Variants in SART3 observed in about 807,000 individuals in gnomAD.
The protein encoded by SART3 is spliceosome associated factor 3, U4/U6 recycling protein, also known as HIV-1 Tat-interacting protein of 110kDa.
A neutral mutation model predicts 122.3 loss-of-function variants in SART3; 44 were observed. The observed-to-expected ratio is 0.36, with a 90% CI of 0.28 to 0.46. The LOEUF (loss-of-function observed/expected upper bound fraction) is 0.46, where lower values mean the gene tolerates loss of function less well. Among genes scored for constraint, SART3 ranks in the 20% least tolerant of loss-of-function variants. The pLI is 1.00. For missense variants in SART3, 1,101 were observed against 1,229.0 expected, an observed-to-expected ratio of 0.90 and a Z score of 1.56; for synonymous variants, 442 against 454.0, an observed-to-expected ratio of 0.97 and a Z score of 0.34.
chr12:108,551,110 GAC>G (rs1176618926), intron 1 of SART3, among the ~76,000 whole-genome samples: 4 of 152,256 alleles, frequency 2.6e-5, no homozygotes, highest in South Asian at 4.1e-4. Context: ...CAAATTCAAA[GAC>G]ACAGGTAAAC....
intron 12 of SART3, 143 bp from the exon 13 acceptor site, chr12:108,532,477 G>A: frequency 1.5e-6 from 1 of 686,968 alleles, no homozygotes; most frequent in East Asian, 2.8e-5. Context: ...ATCTATCCAT[G>A]ATGCTTTCTC....
At chr12:108,539,785 T>C (rs1565862554) in intron 6 of SART3, among the ~76,000 whole-genome samples, 1 of 152,156 alleles carries the variant, frequency 6.6e-6, no homozygotes, top group Non-Finnish European at 1.5e-5. Context: ...ACTCCATATG[T>C]AGAAAGGGGA....
chr12:108,548,155 T>C (rs1873520140), intron 2 of SART3, among the ~76,000 whole-genome samples, 164 bp from the exon 3 acceptor site: 1 of 152,262 alleles, frequency 6.6e-6, no homozygotes, highest in African/African-American at 2.4e-5. Context: ...TAGGAGGTTT[T>C]ATGCTTCCAA....
intron 1 of SART3, among the ~76,000 whole-genome samples, chr12:108,559,664 C>CAA (rs35159668): frequency 0.02 from 1,615 of 79,628 alleles, 40 homozygotes; most frequent in African/African-American, 0.07. Flanking sequence ...GACTCTGTCT[C>CAA]AAAAAAAAAA....
intron 14 of SART3, 31 bp from the exon 15 acceptor site, chr12:108,530,341 G>A: frequency 6.2e-7 from 1 of 1,611,368 alleles, no homozygotes; most frequent in Non-Finnish European, 8.5e-7. Flanking sequence ...TGCATCGCTG[G>A]ATGTGGCAAT....
chr12:108,535,007 G>A (rs145584759), intron 12 of SART3, among the ~76,000 whole-genome samples: 12 of 152,260 alleles, frequency 7.9e-5, no homozygotes, highest in African/African-American at 2.9e-4. Context: ...GGTTATGACT[G>A]GGTCAGTAAT....
chr12:108,533,152 G>A (rs370467532), intron 12 of SART3, among the ~76,000 whole-genome samples: 7 of 151,958 alleles, frequency 4.6e-5, no homozygotes, highest in Non-Finnish European at 5.9e-5. Flanking sequence ...TAAGATCCAC[G>A]TACCCCTGAG....
Position 108,544,746 on chromosome 12 carries a change from G to A in SART3, c.730-268C>T, listed in dbSNP as rs1040457881. The A allele has an allele frequency of 5.0e-6, 3 of 602,410 alleles. No individual in the cohort carries two copies. The African/African-American group carries it at 5.5e-5, about 11-fold the overall frequency. The allele number at this position is 602,410 out of a possible 1,614,324, so 37.3% of individuals were successfully genotyped here. A position where few individuals can be genotyped will look rare whatever the true frequency, so the allele number is the denominator to read the frequency against. On this transcript the variant is annotated intron_variant, in intron 4 of 18. Transcript: ENST00000546815. ...ATGCCCAGCTAATGTTTTAGTTCTT[G>A]TAGAGATGGGGACTCACTACATTGC...
In SART3 at chr12:108,523,290, G is replaced by C. The variant is rs1338462868; in HGVS notation, c.*167C>G. 2.7e-6 allele frequency: 2 copies of C among 733,162 alleles called. No individual in the cohort carries two copies. The highest frequency in any genetic ancestry group is 3.5e-5 in the African/African-American group (2 of 57,906). The allele number at this position is 733,162 out of a possible 1,614,324, so 45.4% of individuals were successfully genotyped here. A position where few individuals can be genotyped will look rare whatever the true frequency, so the allele number is the denominator to read the frequency against. On this transcript the variant is annotated 3_prime_UTR_variant, in exon 19 of 19. Transcript: ENST00000546815. The stretch of plus-strand genomic sequence containing the variant: ...CCCTCAATATGAGGGAGCACTGAAA[G>C]GCTCTTGACTTAGAACCCCTTCCCC...
chr12:108,540,345 CAAG>C (rs1429553798), intron 6 of SART3, among the ~76,000 whole-genome samples: 3 of 152,100 alleles, frequency 2.0e-5, no homozygotes, highest in Non-Finnish European at 2.9e-5. Context: ...AAATAATTTT[CAAG>C]AAGGGAAGCA....
chr12:108,546,822 T>C (rs968953483), intron 3 of SART3, among the ~76,000 whole-genome samples: 1 of 151,940 alleles, frequency 6.6e-6, no homozygotes, highest in Admixed American at 6.6e-5. Flanking sequence ...TGCCTGGCCT[T>C]AAAATGCTTT....
chr12:108,560,185 G>A (rs974612147), intron 1 of SART3: 1 of 152,318 alleles, frequency 6.6e-6, no homozygotes, highest in South Asian at 2.1e-4. Context: ...GAGAGACCAT[G>A]TTATGACTAG....
At chr12:108,528,482 CAAAAAA>C (rs398039961) in intron 15 of SART3, among the ~76,000 whole-genome samples, 67 of 98,478 alleles carry the variant, frequency 6.8e-4, no homozygotes, top group African/African-American at 2.3e-3. Context: ...GACTCCCTCT[CAAAAAA>C]AAAAAAAAAA....
At chr12:108,558,805 G>A (rs1022047277) in intron 1 of SART3, among the ~76,000 whole-genome samples, 4 of 152,062 alleles carry the variant, frequency 2.6e-5, no homozygotes, top group South Asian at 2.1e-4. Context: ...AGGCCGAGGC[G>A]GGCGGATCAC....
At chr12:108,549,320 G>C (rs770068311) in intron 1 of SART3, 106 bp from the exon 2 acceptor site, 1 of 1,276,236 alleles carries the variant, frequency 7.8e-7, no homozygotes, top group African/African-American at 1.5e-5. Context: ...CAAAATAAAC[G>C]TGCTATCTGA....
At chr12:108,535,166 T>C (rs1196937455) in intron 12 of SART3, among the ~76,000 whole-genome samples, 193 bp downstream of exon 12, 1 of 151,792 alleles carries the variant, frequency 6.6e-6, no homozygotes, top group Admixed American at 6.6e-5. Context: ...GCTATAAGAG[T>C]TCCAGGCACA....
At position 108,523,272 on chromosome 12, in the gene SART3, T is replaced by C. The variant is rs1365989995; in HGVS notation, c.*185A>G. ...GTCACTTTTCTGCCACTGCCCTCAA[T>C]ATGAGGGAGCACTGAAAGGCTCTTG... On this transcript the variant is annotated 3_prime_UTR_variant, in exon 19 of 19. Transcript: ENST00000546815. 2 of 668,724 alleles carry C rather than the reference T, an allele frequency of 3.0e-6. No homozygotes were observed. Among genetic ancestry groups the C allele is most frequent in the Non-Finnish European group, 5.3e-6 (2 of 374,660 alleles). 41.4% of individuals were successfully genotyped at this position (668,724 alleles called of 1,614,324 possible).
At chr12:108,558,416 C>A (rs915901126) in intron 1 of SART3, among the ~76,000 whole-genome samples, 5 of 152,154 alleles carry the variant, frequency 3.3e-5, no homozygotes, top group African/African-American at 1.2e-4. Flanking sequence ...CTTGCCAGGT[C>A]CTATCCTGTG....
At chr12:108,555,745 C>T (rs1052749677) in intron 1 of SART3, among the ~76,000 whole-genome samples, 5 of 152,076 alleles carry the variant, frequency 3.3e-5, no homozygotes, top group African/African-American at 7.2e-5. Flanking sequence ...ATGGCAAAGA[C>T]GTCAATTCTC....
Sources: gnomAD v4.1 joint callset for allele counts (sites outside exome capture counted in the v4.1 genomes callset) on GRCh38, gnomAD v4.1.1 for gene constraint, MANE v1.5 for transcripts, NCBI Gene and HGNC (gene_info 2026-07-23, HGNC 2026-07-21) for gene names.